Variants in ADAMTSL1 observed in about 807,000 individuals in gnomAD.
ADAMTSL1 encodes ADAMTS like 1, also known as ADAMTS-like protein 1.
A neutral mutation model predicts 201.8 loss-of-function variants in ADAMTSL1; 126 were observed. The observed-to-expected ratio is 0.62, with a 90% CI of 0.54 to 0.72. The LOEUF is 0.72. Ranked by LOEUF, ADAMTSL1 falls within the 30% of genes least tolerant of loss-of-function variation. The pLI is 0.00. For missense variants in ADAMTSL1, 2,679 were observed against 2,277.8 expected, an observed-to-expected ratio of 1.18 and a Z score of -3.59; for synonymous variants, 1,121 against 903.4, an observed-to-expected ratio of 1.24 and a Z score of -4.32.
In ADAMTSL1 at chr9:18,122,160, A is replaced by G. The variant is rs367706969; in HGVS notation, c.88-41702A>G. ...AACATGGAGTTTAGTGTGGCACAGC[A>G]ATTCCTTTTCTAGGTATATACCAAA... On this transcript the variant is annotated intron_variant, in intron 1 of 29. Coordinates refer to the ADAMTSL1 transcript ENST00000680146. Among the ~76,000 whole-genome samples the G allele has an allele frequency of 2.0e-5, 3 of 152,296 alleles. No homozygotes were observed. The East Asian group carries it at 5.8e-4, about 29-fold the overall frequency.
intron 1 of ADAMTSL1, among the ~76,000 whole-genome samples, chr9:17,938,936 T>C (rs1588446509): frequency 6.6e-6 from 1 of 152,160 alleles, no homozygotes; most frequent in East Asian, 1.9e-4. Context: ...TGACAAGTCA[T>C]TAAGCAGCTT....
intron 1 of ADAMTSL1, among the ~76,000 whole-genome samples, chr9:17,990,681 G>A (rs191690323): frequency 6.6e-6 from 1 of 151,994 alleles, no homozygotes; most frequent in Non-Finnish European, 1.5e-5. Context: ...AAAGCCAGAT[G>A]AGTTTTTAAA....
At chr9:18,512,748 T>C (rs1479599373) in intron 2 of ADAMTSL1, among the ~76,000 whole-genome samples, 1 of 152,230 alleles carries the variant, frequency 6.6e-6, no homozygotes, top group Non-Finnish European at 1.5e-5. Context: ...TATGTATTGT[T>C]ATTTTATTCT....
At chr9:18,824,196 G>A (rs1824392676) in intron 21 of ADAMTSL1, among the ~76,000 whole-genome samples, 1 of 149,512 alleles carries the variant, frequency 6.7e-6, no homozygotes. Flanking sequence ...TTTTTTAAAT[G>A]GGAAAAAAAC....
At chr9:18,637,771 C>G (rs10963693) in intron 6 of ADAMTSL1, among the ~76,000 whole-genome samples, 57,422 of 151,916 alleles carry the variant, frequency 0.38, 11,084 homozygotes, top group Middle Eastern at 0.41. Flanking sequence ...CAGTGTGAAA[C>G]CAACCTTAAA....
chr9:17,952,217 G>T (rs1034136863), intron 1 of ADAMTSL1, among the ~76,000 whole-genome samples: 2 of 150,648 alleles, frequency 1.3e-5, no homozygotes, highest in African/African-American at 4.9e-5. Context: ...GCCACCCAAA[G>T]TGCTGGGATT....
chr9:18,622,266 G>T lies in ADAMTSL1; in HGVS notation c.498G>T (p.Leu166=). 1 of 1,613,934 alleles carries T rather than the reference G, an allele frequency of 6.2e-7. No individual in the cohort carries two copies. The highest frequency in any genetic ancestry group is 8.5e-7 in the Non-Finnish European group (1 of 1,179,900). Residue 166 remains leucine, a synonymous_variant, in exon 5 of 29, where the codon CTG becomes CTT. Transcript: ENST00000380548. ...AGATTGTTGGCTGCGATCACCAGCT[G>T]GGAAGCACCGTCAAGGAAGATAACT... The part of the protein sequence containing the change: ...LCQIVGCDHQ[L]GSTVKEDNCG...
intron 20 of ADAMTSL1, among the ~76,000 whole-genome samples, chr9:18,813,695 G>A (rs1295481501): frequency 6.6e-6 from 1 of 152,106 alleles, no homozygotes; most frequent in African/African-American, 2.4e-5. Context: ...GAATTTGTTT[G>A]TTCTAACAAT....
At chr9:18,526,517 C>T (rs1414334680) in intron 2 of ADAMTSL1, among the ~76,000 whole-genome samples, 1 of 152,290 alleles carries the variant, frequency 6.6e-6, no homozygotes, top group East Asian at 1.9e-4. Flanking sequence ...TTAGTTGACG[C>T]AGTTTCTTCC....
At chr9:18,860,888 A>G (rs999572106) in intron 23 of ADAMTSL1, among the ~76,000 whole-genome samples, 1 of 152,244 alleles carries the variant, frequency 6.6e-6, no homozygotes, top group African/African-American at 2.4e-5. Flanking sequence ...TCCCACAGTA[A>G]GCGTACTTGC....
chr9:18,602,168 T>C (rs1390846336), intron 4 of ADAMTSL1, among the ~76,000 whole-genome samples: 2 of 152,220 alleles, frequency 1.3e-5, no homozygotes, highest in African/African-American at 4.8e-5. Flanking sequence ...GTCATTCTTC[T>C]GCTGCCTTTA....
At chr9:18,108,213 T>G (rs1234819576) in intron 1 of ADAMTSL1, among the ~76,000 whole-genome samples, 1 of 145,738 alleles carries the variant, frequency 6.9e-6, no homozygotes. Context: ...TTTTTTTTTT[T>G]TTTTTGAAAC....
rs537892020 is a variant in ADAMTSL1 at position 18,609,157 on chromosome 9, T to C, written c.475-13086T>C. On this transcript the variant is annotated intron_variant, in intron 4 of 28. Coordinates refer to ENST00000380548, the MANE Select transcript of ADAMTSL1 (RefSeq NM_001040272.6). ...ATTTTGTGCTGACAGATAAATTTAA[T>C]GATAGTTACTCGATTGTATATATTT... is the stretch of plus-strand genomic sequence containing the variant. 5.9e-5 allele frequency among the ~76,000 whole-genome samples: 9 copies of C among 152,328 alleles called. No homozygotes were observed. In the East Asian group the frequency reaches 1.7e-3, roughly 29 times the overall value.
intron 2 of ADAMTSL1, among the ~76,000 whole-genome samples, chr9:18,290,174 C>T (rs1446166545): frequency 2.6e-5 from 4 of 152,162 alleles, no homozygotes; most frequent in East Asian, 1.9e-4. Context: ...GAACCCTCCA[C>T]GTTCCTTGAT....
chr9:18,000,557 C>G (rs1216762863), intron 1 of ADAMTSL1, among the ~76,000 whole-genome samples: 2 of 151,998 alleles, frequency 1.3e-5, no homozygotes, highest in Non-Finnish European at 2.9e-5. Context: ...CTGTGTTAGT[C>G]ATCTTGCTTC....
chr9:18,856,530 C>G (rs1826863857), intron 23 of ADAMTSL1, among the ~76,000 whole-genome samples: 1 of 138,022 alleles, frequency 7.2e-6, no homozygotes, highest in African/African-American at 2.8e-5. Context: ...GTGGCACAGT[C>G]TCAGCTCACT....
At chr9:18,244,887 C>T (rs975391582) in intron 2 of ADAMTSL1, among the ~76,000 whole-genome samples, 1 of 152,152 alleles carries the variant, frequency 6.6e-6, no homozygotes, top group African/African-American at 2.4e-5. Flanking sequence ...TACTCTATAT[C>T]CTACCATGCT....
intron 2 of ADAMTSL1, among the ~76,000 whole-genome samples, chr9:18,397,124 A>G (rs1212983623): frequency 1.3e-5 from 2 of 152,046 alleles, no homozygotes; most frequent in African/African-American, 4.8e-5. Flanking sequence ...GTTTGTTTAG[A>G]TTTCTTATCC....
chr9:18,766,121 T>G (rs1165229530), intron 16 of ADAMTSL1, among the ~76,000 whole-genome samples: 1 of 151,966 alleles, frequency 6.6e-6, no homozygotes, highest in African/African-American at 2.4e-5. Context: ...ATTACAGAGG[T>G]GTACAACGCT....
Sources: gnomAD v4.1 joint callset for allele counts (sites outside exome capture counted in the v4.1 genomes callset) on GRCh38, gnomAD v4.1.1 for gene constraint, MANE v1.5 for transcripts, NCBI Gene and HGNC (gene_info 2026-07-23, HGNC 2026-07-21) for gene names.